Variants in ADARB2 observed in about 807,000 individuals in gnomAD.
ADARB2 encodes the protein inactive double-stranded RNA-specific editase B2.
ADARB2 carries 25 observed loss-of-function variants against 62.2 expected under a neutral mutation model. The observed-to-expected ratio is 0.40, with a 90% confidence interval of 0.29 to 0.56. The LOEUF (loss-of-function observed/expected upper bound fraction) is 0.56. ADARB2 is among the 20% of genes least tolerant of loss of function. The pLI is 0.43. For synonymous variants in ADARB2, 572 were observed against 500.8 expected, an observed-to-expected ratio of 1.14 and a Z score of -1.90; for missense variants, 1,071 against 1,077.4, an observed-to-expected ratio of 0.99 and a Z score of 0.08.
intron 1 of ADARB2, among the ~76,000 whole-genome samples, chr10:1,723,434 T>A (rs1435210091): frequency 6.6e-6 from 1 of 152,202 alleles, no homozygotes; most frequent in African/African-American, 2.4e-5. Flanking sequence ...TGATTCAGGC[T>A]TGCTCTCACC....
intron 1 of ADARB2, among the ~76,000 whole-genome samples, chr10:1,435,459 C>T (rs1283491400): frequency 2.0e-5 from 3 of 152,268 alleles, no homozygotes; most frequent in Admixed American, 6.5e-5. Flanking sequence ...GCCTTTGCTG[C>T]CCCGGGCTGA....
At chr10:1,544,956 T>TACACACACACACACACACACAC (rs1554770300) in intron 1 of ADARB2, among the ~76,000 whole-genome samples, 7,684 of 133,806 alleles carry the variant, frequency 0.057, 318 homozygotes, top group East Asian at 0.095. Context: ...TAGCAAAGTA[T>TACACACACACACACACACACAC]ACACACACAC....
At chr10:1,523,512 G>T (rs574931559) in intron 1 of ADARB2, among the ~76,000 whole-genome samples, 1 of 152,264 alleles carries the variant, frequency 6.6e-6, no homozygotes, top group East Asian at 1.9e-4. Flanking sequence ...CAGAGGCTTC[G>T]TCTGGAATAG....
At chr10:1,327,264 CT>C (rs1589193303) in intron 3 of ADARB2, among the ~76,000 whole-genome samples, 2 of 97,934 alleles carry the variant, frequency 2.0e-5, no homozygotes, top group Admixed American at 9.1e-5. Context: ...CCAGCGCCTC[CT>C]CACTGCACAG....
intron 3 of ADARB2, among the ~76,000 whole-genome samples, chr10:1,339,801 T>G: frequency 6.6e-6 from 1 of 152,170 alleles, no homozygotes; most frequent in Non-Finnish European, 1.5e-5. Flanking sequence ...CGTGACCAAG[T>G]GCAGACTTTC....
intron 3 of ADARB2, among the ~76,000 whole-genome samples, chr10:1,334,341 G>A (rs796910713): frequency 7.9e-4 from 120 of 152,328 alleles, no homozygotes; most frequent in African/African-American, 2.8e-3. Flanking sequence ...TGACTGTCAA[G>A]TGCCATGAGC....
chr10:1,246,054 A>C (rs1212458079), intron 4 of ADARB2, among the ~76,000 whole-genome samples: 1 of 151,336 alleles, frequency 6.6e-6, no homozygotes, highest in Admixed American at 6.6e-5. Flanking sequence ...ATGGTATCTC[A>C]TTGTGGTTTT....
chr10:1,440,527 C>T (rs2387725), intron 1 of ADARB2, among the ~76,000 whole-genome samples: 85,425 of 151,680 alleles, frequency 0.56, 26,674 homozygotes, highest in Non-Finnish European at 0.71. Flanking sequence ...GACAAAATTT[C>T]AATGTCATGA....
chr10:1,197,992 A>T (rs976877531), intron 8 of ADARB2, among the ~76,000 whole-genome samples: 4 of 152,210 alleles, frequency 2.6e-5, no homozygotes, highest in Non-Finnish European at 2.9e-5. Context: ...TACTGAATTC[A>T]CTGAGAAGGA....
intron 1 of ADARB2, among the ~76,000 whole-genome samples, chr10:1,512,887 G>A (rs990902181): frequency 6.6e-6 from 1 of 152,206 alleles, no homozygotes; most frequent in Non-Finnish European, 1.5e-5. Flanking sequence ...CTTTCGCACA[G>A]CAGGAAATCA....
At chr10:1,204,561 A>G (rs889921637) in intron 7 of ADARB2, among the ~76,000 whole-genome samples, 1 of 152,230 alleles carries the variant, frequency 6.6e-6, no homozygotes, top group African/African-American at 2.4e-5. Context: ...CCAGGAGGCC[A>G]CAGCTGCCCC....
At chr10:1,646,833 T>G (rs1216669358) in intron 1 of ADARB2, among the ~76,000 whole-genome samples, 2 of 152,234 alleles carry the variant, frequency 1.3e-5, no homozygotes, top group East Asian at 3.8e-4. Flanking sequence ...GTGATTGCTG[T>G]GTGCTCACCA....
intron 1 of ADARB2, among the ~76,000 whole-genome samples, chr10:1,389,399 T>A (rs1423022817): frequency 6.6e-6 from 1 of 152,226 alleles, no homozygotes. Context: ...GACTGTTTTG[T>A]ATCCAGAATA....
At chr10:1,633,566 A>G (rs1443853032) in intron 1 of ADARB2, among the ~76,000 whole-genome samples, 1 of 147,468 alleles carries the variant, frequency 6.8e-6, no homozygotes. Flanking sequence ...CTATCTATCT[A>G]TCTATCTATC....
chr10:1,547,492 T>G (rs1588297232), intron 1 of ADARB2, among the ~76,000 whole-genome samples: 1 of 42,348 alleles, frequency 2.4e-5, no homozygotes, highest in Non-Finnish European at 4.3e-5. Flanking sequence ...GTATGCACTG[T>G]GGGGAGGGGG....
At chr10:1,640,221 G>T (rs10903518) in intron 1 of ADARB2, among the ~76,000 whole-genome samples, 1 of 151,562 alleles carries the variant, frequency 6.6e-6, no homozygotes, top group Non-Finnish European at 1.5e-5. Context: ...TAGAAGTCTC[G>T]TTTTCCTTGG....
intron 1 of ADARB2, among the ~76,000 whole-genome samples, chr10:1,401,974 C>T (rs1312617832): frequency 6.6e-6 from 1 of 152,154 alleles, no homozygotes; most frequent in African/African-American, 2.4e-5. Flanking sequence ...TGTGCTGATA[C>T]AATTTGAAAA....
intron 1 of ADARB2, among the ~76,000 whole-genome samples, chr10:1,507,894 G>A (rs1416804670): frequency 6.6e-6 from 1 of 152,168 alleles, no homozygotes; most frequent in African/African-American, 2.4e-5. Flanking sequence ...CTCCAGGGTG[G>A]GACAGGCAGC....
At chr10:1,391,176 G>A (rs1194653508) in intron 1 of ADARB2, among the ~76,000 whole-genome samples, 1 of 152,292 alleles carries the variant, frequency 6.6e-6, no homozygotes, top group East Asian at 1.9e-4. Context: ...GCAATGCATT[G>A]TGGGTTGCAA....
Sources: gnomAD v4.1 joint callset for allele counts (sites outside exome capture counted in the v4.1 genomes callset) on GRCh38, gnomAD v4.1.1 for gene constraint, MANE v1.5 for transcripts, NCBI Gene and HGNC (gene_info 2026-07-23, HGNC 2026-07-21) for gene names.